The following PAX6 variants were observed in gnomAD, a reference collection of about 807,000 sequenced individuals.
The protein encoded by PAX6 is paired box protein Pax-6.
In PAX6, 7 loss-of-function variants were observed where a neutral mutation model predicts 60.7. That is an observed-to-expected ratio of 0.12 (90% CI 0.07 to 0.22). The LOEUF is 0.22. Among genes scored for constraint, PAX6 ranks in the 10% least tolerant of loss-of-function variants. The pLI, the probability that PAX6 is intolerant of heterozygous loss-of-function variation, is 1.00. For synonymous variants in PAX6, 208 were observed against 201.2 expected, an observed-to-expected ratio of 1.03 and a Z score of -0.29; for missense variants, 355 against 555.2, an observed-to-expected ratio of 0.64 and a Z score of 3.62.
intron 2 of PAX6, chr11:31,807,894 CT>C (rs1379852588): frequency 6.6e-6 from 1 of 151,478 alleles, no homozygotes; most frequent in East Asian, 1.9e-4. Flanking sequence ...GAACACCTCC[CT>C]ACCTTTCCCA....
At chr11:31,814,524 G>C (rs1166744013), upstream of PAX6, 1 of 152,260 alleles carries the variant, frequency 6.6e-6, no homozygotes, top group Non-Finnish European at 1.5e-5. Context: ...CGCAGCGCCG[G>C]CGCGCTGGAA....
At chr11:31,804,686 A>C (rs1431759409) in intron 4 of PAX6, 1 of 152,298 alleles carries the variant, frequency 6.6e-6, no homozygotes, top group East Asian at 1.9e-4. Flanking sequence ...AGGCACAGGA[A>C]GCTTCCCGGA....
chr11:31,805,269 G>A (rs1347778466), intron 4 of PAX6: 2 of 152,292 alleles, frequency 1.3e-5, no homozygotes, highest in Non-Finnish European at 2.9e-5. Context: ...TGAGCTCCAA[G>A]GGGAGAGCCC....
chr11:31,802,607 G>C, intron 5 of PAX6, 97 bp downstream of exon 5: 1 of 1,355,306 alleles, frequency 7.4e-7, no homozygotes, highest in Non-Finnish European at 1.0e-6. Context: ...GGGTGGGGGG[G>C]TCCATAATTA....
At chr11:31,802,621 T>A (rs1356074092) in intron 5 of PAX6, 83 bp downstream of exon 5, 12 of 1,480,534 alleles carry the variant, frequency 8.1e-6, no homozygotes, top group Non-Finnish European at 1.1e-5. Context: ...ATAATTAGCA[T>A]CGTTTACAGT....
In PAX6 at chr11:31,793,331, G is replaced by A. The variant is rs3026384; in HGVS notation, c.1074+107C>T. 227,410 of 921,084 alleles carry A rather than the reference G, an allele frequency of 0.25. 30,700 individuals are homozygous for A. The highest frequency in any genetic ancestry group is 0.28 in the Non-Finnish European group (157,732 of 553,728). The allele number at this position is 921,084 out of a possible 1,614,324, so 57.1% of individuals were successfully genotyped here. ...CTGGTCAAGCCAATCACTGTAGTGCGAAAAGCTCTCAAGGGTGCAGACACA... is the reference window on the plus strand; with the variant it reads ...CTGGTCAAGCCAATCACTGTAGTGCAAAAAGCTCTCAAGGGTGCAGACACA... On this transcript the variant is annotated intron_variant, in intron 12 of 13. Coordinates refer to ENST00000640368, the MANE Select transcript of PAX6 (RefSeq NM_001368894.2).
At chr11:31,801,402 C>T in intron 7 of PAX6, 159 bp downstream of exon 7, 1 of 1,520,002 alleles carries the variant, frequency 6.6e-7, no homozygotes, top group Non-Finnish European at 8.8e-7. Context: ...AAAGAAAAGT[C>T]AGGGCATTCC....
intron 2 of PAX6, chr11:31,807,287 T>C (rs1248601415): frequency 6.6e-6 from 1 of 152,534 alleles, no homozygotes; most frequent in African/African-American, 2.4e-5. Context: ...GGGAGAGGAA[T>C]ACCTGAAGTT....
chr11:31,806,193 C>T (rs574115671), intron 4 of PAX6: 11 of 533,462 alleles, frequency 2.1e-5, no homozygotes, highest in Non-Finnish European at 3.3e-5. Context: ...GGGCCCAGCC[C>T]CTGCTTCTCC....
In PAX6 at chr11:31,789,634, A is replaced by C; in HGVS notation, c.*300T>G. On this transcript the variant is annotated 3_prime_UTR_variant, in exon 14 of 14. Coordinates refer to ENST00000640368, the MANE Select transcript of PAX6 (RefSeq NM_001368894.2). ...CAGATCAAACATCCATCCAGTCTAC[A>C]TTGTTCTTTTTTTCATTATAACATA... The C allele has an allele frequency of 1.4e-6, 1 of 696,574 alleles. No homozygotes were observed. The highest frequency in any genetic ancestry group is 2.7e-5 in the East Asian group (1 of 37,228). 43.1% of individuals were successfully genotyped at this position (696,574 alleles called of 1,614,324 possible).
At chr11:31,790,232 G>C (rs530894187) in intron 13 of PAX6, 34 of 529,420 alleles carry the variant, frequency 6.4e-5, no homozygotes, top group Non-Finnish European at 9.3e-5. Context: ...TGGATCCCAA[G>C]TACCCCCCAC....
chr11:31,796,551 C>A (rs1951608176), intron 8 of PAX6, among the ~76,000 whole-genome samples: 1 of 129,456 alleles, frequency 7.7e-6, no homozygotes, highest in African/African-American at 3.0e-5. Flanking sequence ...GGCTGGGTTC[C>A]TACATAGAGG....
intron 7 of PAX6, 44 bp downstream of exon 7, chr11:31,801,517 A>G (rs903577462): frequency 1.2e-6 from 2 of 1,613,526 alleles, no homozygotes; most frequent in Non-Finnish European, 1.7e-6. Context: ...AGGAGAGAGC[A>G]TTGGGCTTAG....
chr11:31,800,963 AGCTCCCAGCC>A, intron 7 of PAX6, 107 bp from the exon 8 acceptor site: 1 of 1,188,094 alleles, frequency 8.4e-7, no homozygotes, highest in Non-Finnish European at 1.2e-6. Context: ...CCCGTTAAAA[AGCTCCCAGCC>A]ACCCCGGGAC....
At chr11:31,817,141 G>A (rs1177396271) in intron 1 of PAX6, among the ~76,000 whole-genome samples, 3 of 152,272 alleles carry the variant, frequency 2.0e-5, no homozygotes, top group African/African-American at 4.8e-5. Flanking sequence ...GCAGTAACCG[G>A]AGCCCGCGTT....
Position 31,800,701 on chromosome 11 carries a change from T to C in PAX6, c.555A>G (p.Gln185=), listed in dbSNP as rs887778511. 6 of 1,613,934 alleles carry C rather than the reference T, an allele frequency of 3.7e-6. No individual in the cohort carries two copies. The African/African-American group carries it at 8.0e-5, about 22-fold the overall frequency. Residue 185 remains glutamine, a synonymous_variant, in exon 8 of 14, where the codon CAA becomes CAG. Transcript: ENST00000640368. ...CTGCTTGGGTTTTACCTTGCGTAGG[T>C]TGCCCTGGCACCGAAGTCCCCGGAT... is the stretch of plus-strand genomic sequence containing the variant. The part of the protein sequence containing the change: ...GWYPGTSVPG[Q]PTQDGCQQQE...
chr11:31,796,564 A>G (rs1485582745), intron 8 of PAX6, among the ~76,000 whole-genome samples: 1 of 104,366 alleles, frequency 9.6e-6, no homozygotes, highest in East Asian at 3.3e-4. Context: ...CATAGAGGAG[A>G]TGGAGGGGAG....
chr11:31,790,277 G>T, intron 13 of PAX6: 2 of 557,974 alleles, frequency 3.6e-6, no homozygotes, highest in Non-Finnish European at 5.7e-6. Flanking sequence ...AAAATCCTCT[G>T]TTTGTTTGCA....
upstream of PAX6, chr11:31,811,437 T>C (rs2135417248): frequency 5.1e-6 from 2 of 392,528 alleles, no homozygotes; most frequent in Middle Eastern, 1.3e-3. Context: ...TCCGTTTGTT[T>C]GAATATGAAT....
Sources: gnomAD v4.1 joint callset for allele counts (sites outside exome capture counted in the v4.1 genomes callset) on GRCh38, gnomAD v4.1.1 for gene constraint, MANE v1.5 for transcripts, NCBI Gene and HGNC (gene_info 2026-07-23, HGNC 2026-07-21) for gene names.